TPH2: variants seen among roughly 807,000 people sequenced by gnomAD.
TPH2 encodes tryptophan 5-hydroxylase 2.
Under a neutral mutation model 59.1 loss-of-function variants are expected in TPH2, and 27 were observed. The ratio of observed to expected loss-of-function variants is 0.46; its 90% CI spans 0.34 to 0.63. TPH2 has a LOEUF of 0.63. Ranked by LOEUF, TPH2 falls within the 30% of genes least tolerant of loss-of-function variation. The probability of loss-of-function intolerance (pLI) is 0.01; values close to 1 mark genes in which losing one functional copy is unlikely to be tolerated. For missense variants in TPH2, 523 were observed against 588.3 expected (o/e 0.89, Z 1.15); for synonymous variants, 220 against 210.5 (o/e 1.05, Z -0.39).
chr12:71,979,158 C>A, intron 7 of TPH2, 71 bp downstream of exon 7: 1 of 1,599,130 alleles, frequency 6.3e-7, no homozygotes, highest in Non-Finnish European at 8.6e-7. Flanking sequence ...TTGAAAATGA[C>A]TTAGGCCCTG....
intron 8 of TPH2, among the ~76,000 whole-genome samples, chr12:72,021,187 C>G (rs1873402414): frequency 6.6e-6 from 1 of 152,230 alleles, no homozygotes; most frequent in South Asian, 2.1e-4. Flanking sequence ...CGAGTTCAGC[C>G]TCTCTCAACA....
intron 4 of TPH2, among the ~76,000 whole-genome samples, chr12:71,947,578 G>C (rs1250473314): frequency 6.6e-6 from 1 of 151,902 alleles, no homozygotes; most frequent in Non-Finnish European, 1.5e-5. Flanking sequence ...AAGATTATTT[G>C]TTGTTTATCT....
intron 8 of TPH2, among the ~76,000 whole-genome samples, chr12:72,014,754 G>A (rs1873196114): frequency 6.6e-6 from 1 of 152,136 alleles, no homozygotes; most frequent in Non-Finnish European, 1.5e-5. Flanking sequence ...AGTTGTTGAT[G>A]CCTTAGTGTG....
rs780436129 is a variant in TPH2, at chr12:72,022,513, A to C, written c.1164+19A>C. ...ATTAAAGGTATGAAGCTGTGAATGA[A>C]AATACCCTTCCCATGCAAACTGGTT... On this transcript the variant is annotated intron_variant, in intron 9 of 10. Transcript: ENST00000333850. The C allele has an allele frequency of 3.2e-6, 5 of 1,550,608 alleles. No individual in the cohort carries two copies. In the Admixed American group the frequency reaches 5.0e-5, roughly 16 times the overall value.
At chr12:71,966,802 C>G (rs1871830713) in intron 5 of TPH2, among the ~76,000 whole-genome samples, 1 of 152,230 alleles carries the variant, frequency 6.6e-6, no homozygotes, top group East Asian at 1.9e-4. Flanking sequence ...TCACATCTTC[C>G]TCCAATGAAT....
intron 7 of TPH2, among the ~76,000 whole-genome samples, chr12:71,985,824 C>T (rs1001636750): frequency 6.6e-6 from 1 of 152,162 alleles, no homozygotes; most frequent in Non-Finnish European, 1.5e-5. Flanking sequence ...CTTCCAGGCT[C>T]CTTAGAGGCC....
chr12:71,975,545 C>A (rs556467566), intron 6 of TPH2, among the ~76,000 whole-genome samples: 5 of 152,128 alleles, frequency 3.3e-5, no homozygotes, highest in Non-Finnish European at 7.4e-5. Flanking sequence ...CTGTACAAAT[C>A]CTCTGCCCTT....
chr12:72,009,919 A>T (rs1435004890), intron 8 of TPH2, among the ~76,000 whole-genome samples: 1 of 152,236 alleles, frequency 6.6e-6, no homozygotes, highest in Admixed American at 6.5e-5. Context: ...TTTGGGGGTT[A>T]GGCACACTTG....
chr12:71,972,237 T>C (rs929153065), intron 5 of TPH2, among the ~76,000 whole-genome samples: 1 of 152,232 alleles, frequency 6.6e-6, no homozygotes, highest in African/African-American at 2.4e-5. Flanking sequence ...TAACTATTAC[T>C]TGTTACTGAC....
intron 5 of TPH2, among the ~76,000 whole-genome samples, chr12:71,950,106 A>G (rs1566115900): frequency 1.3e-5 from 2 of 152,192 alleles, no homozygotes; most frequent in Admixed American, 6.5e-5. Context: ...TGGAGAGGAA[A>G]ACTTCCTGTA....
intron 2 of TPH2, among the ~76,000 whole-genome samples, chr12:71,943,054 C>T (rs952182891): frequency 2.0e-5 from 3 of 152,134 alleles, no homozygotes; most frequent in Non-Finnish European, 2.9e-5. Flanking sequence ...CTGCTTCAAC[C>T]AAAGGTCATT....
At chr12:72,000,098 A>G (rs1872784698) in intron 8 of TPH2, among the ~76,000 whole-genome samples, 1 of 152,224 alleles carries the variant, frequency 6.6e-6, no homozygotes, top group South Asian at 2.1e-4. Flanking sequence ...TTTAAAACCC[A>G]TTAATGAGGG....
rs969701809 is a variant in TPH2, at chr12:71,990,676, A to G, written c.942-3763A>G. ...GAACAATATGGTGTTTATTTCTGAG[A>G]AAGTTTCACCAAAGACATAAAATAT... is the stretch of plus-strand genomic sequence containing the variant. On this transcript the variant is annotated intron_variant, in intron 7 of 10. Transcript: ENST00000333850. Among the ~76,000 whole-genome samples, 3 of 152,224 alleles carry G rather than the reference A, an allele frequency of 2.0e-5. No homozygotes were observed. In the South Asian group the frequency reaches 6.2e-4, roughly 31 times the overall value.
intron 8 of TPH2, among the ~76,000 whole-genome samples, chr12:72,004,354 G>C (rs1872897988): frequency 1.3e-5 from 2 of 150,338 alleles, no homozygotes; most frequent in African/African-American, 4.9e-5. Context: ...CTTTAATGAT[G>C]TACATATGAC....
chr12:71,961,854 C>A (rs1871693826), intron 5 of TPH2: 1 of 1,148,566 alleles, frequency 8.7e-7, no homozygotes, highest in South Asian at 1.9e-5. Context: ...CCCTGAGGCT[C>A]CTTAGGTGCA....
intron 7 of TPH2, among the ~76,000 whole-genome samples, chr12:71,993,877 G>A (rs1326698718): frequency 6.6e-6 from 1 of 152,118 alleles, no homozygotes; most frequent in African/African-American, 2.4e-5. Flanking sequence ...GCAAGAAACA[G>A]CAATTTTTTT....
Position 71,944,741 on chromosome 12 carries a change from C to A in TPH2, c.540+55C>A. On this transcript the variant is annotated intron_variant, in intron 4 of 10. Transcript: ENST00000333850. ...ATGCTCTTTCAGCTCCACCCATGTG[C>A]CAGGCACTGTGCCATGTTCTGTGCT... 1.2e-5 allele frequency: 17 copies of A among 1,471,748 alleles called. No homozygotes were observed. The South Asian group carries it at 1.7e-4, about 15-fold the overall frequency. 91.2% of individuals were successfully genotyped at this position (1,471,748 alleles called of 1,614,324 possible). A position where few individuals can be genotyped will look rare whatever the true frequency, so the allele number is the denominator to read the frequency against.
chr12:72,026,778 T>C (rs1156992574), intron 9 of TPH2, among the ~76,000 whole-genome samples: 2 of 152,208 alleles, frequency 1.3e-5, no homozygotes, highest in Non-Finnish European at 2.9e-5. Context: ...TTCAAATTGG[T>C]GAAGCCTAAT....
intron 8 of TPH2, among the ~76,000 whole-genome samples, chr12:72,005,757 T>A (rs535022806): frequency 6.6e-6 from 1 of 152,342 alleles, no homozygotes; most frequent in Non-Finnish European, 1.5e-5. Context: ...TTTTGTTTGC[T>A]TTTCCTTCTT....
Sources: allele counts gnomAD v4.1 joint callset (sites outside exome capture counted in the v4.1 genomes callset), GRCh38; gene constraint gnomAD v4.1.1; transcripts MANE v1.5; gene names NCBI Gene and HGNC (gene_info 2026-07-23, HGNC 2026-07-21).